DOCK10: variants seen among roughly 807,000 people sequenced by gnomAD.
DOCK10 encodes dedicator of cytokinesis protein 10.
A neutral mutation model predicts 280.1 loss-of-function variants in DOCK10; 145 were observed. The observed-to-expected ratio is 0.52, with a 90% CI of 0.45 to 0.59. The LOEUF is 0.59. DOCK10 is among the 20% of genes least tolerant of loss of function. The pLI is 0.00. For synonymous variants in DOCK10, 915 were observed against 942.2 expected, an observed-to-expected ratio of 0.97 and a Z score of 0.53; for missense variants, 2,368 against 2,651.7, an observed-to-expected ratio of 0.89 and a Z score of 2.35.
Position 224,886,126 on chromosome 2 carries a change from G to A in DOCK10, c.549C>T (p.Phe183=). The A allele has an allele frequency of 6.2e-6, 10 of 1,613,802 alleles. No homozygotes were observed. Among genetic ancestry groups the A allele is most frequent in the East Asian group, 2.2e-5 (1 of 44,860 alleles). ...GGGGAGGTGV[F]KSGWLYKGNF... ...TCCCCTTGTAGAGCCAGCCGGACTTGAAAACACCAGTTCCTCCCGCTCCTC... is the reference window on the plus strand; with the variant it reads ...TCCCCTTGTAGAGCCAGCCGGACTTAAAAACACCAGTTCCTCCCGCTCCTC... The change falls in exon 6 of 56, where the codon TTC becomes TTT. Residue 183 remains phenylalanine (F), a synonymous_variant. Transcript: ENST00000258390.
intron 22 of DOCK10, among the ~76,000 whole-genome samples, chr2:224,844,050 G>A (rs940822039): frequency 2.6e-5 from 4 of 152,318 alleles, no homozygotes; most frequent in Admixed American, 2.6e-4. Context: ...CAACCTCATG[G>A]CCTTCCAATT....
intron 28 of DOCK10, among the ~76,000 whole-genome samples, chr2:224,820,243 T>C (rs964735684): frequency 1.3e-5 from 2 of 152,254 alleles, no homozygotes; most frequent in African/African-American, 4.8e-5. Flanking sequence ...TTCTCTTTAC[T>C]GTATCAAGGA....
chr2:225,042,195 C>T lies in DOCK10; in HGVS notation c.123+57G>A, dbSNP rs1347899411. The T allele has an allele frequency of 4.9e-6, 6 of 1,224,952 alleles. No individual in the cohort carries two copies. Among genetic ancestry groups the T allele is most frequent in the Non-Finnish European group, 6.1e-6 (6 of 983,460 alleles). 75.9% of individuals were successfully genotyped at this position (1,224,952 alleles called of 1,614,324 possible). On this transcript the variant is annotated intron_variant, in intron 1 of 55. Transcript: ENST00000258390. This position sits in a 1 kb window ranked among gnomAD's most constrained non-coding sequence, Gnocchi z 5.1. ...CCGAGCTTTTGGGGAAGCTGGGCTC[C>T]GTTCCCCCCGGGCGCCTGGGGCGCG...
chr2:224,798,587 G>A (rs922915650), intron 41 of DOCK10, among the ~76,000 whole-genome samples: 1 of 151,018 alleles, frequency 6.6e-6, no homozygotes, highest in East Asian at 1.9e-4. Context: ...TAATTATGCT[G>A]TTCTGTGTAG....
intron 1 of DOCK10, among the ~76,000 whole-genome samples, chr2:225,021,193 A>T (rs1271867447): frequency 6.6e-6 from 1 of 152,260 alleles, no homozygotes; most frequent in Admixed American, 6.5e-5. Flanking sequence ...AGGACATTTC[A>T]GTAAATAATC....
chr2:224,787,086 G>T lies in DOCK10; in HGVS notation c.5591C>A (p.Ala1864Glu). 1.2e-6 allele frequency: 2 copies of T among 1,613,980 alleles called. No individual in the cohort carries two copies. The highest frequency in any genetic ancestry group is 1.7e-6 in the Non-Finnish European group (2 of 1,179,878). Reference protein sequence around the residue: ...YDIHRSYLKVAEVVNSEKRLF... With the variant: ...YDIHRSYLKVEEVVNSEKRLF... ...CCGCTTCTCCGAATTCACCACCTCTGCCACTTTCAGATATGACCGATGAAT... is the reference window on the plus strand; with the variant it reads ...CCGCTTCTCCGAATTCACCACCTCTTCCACTTTCAGATATGACCGATGAAT... Residue 1864 changes from alanine to glutamate, a missense_variant, in exon 50 of 56, where the codon GCA (alanine) becomes GAA (glutamate). This residue lies in a region of DOCK10 where 1,159 missense variants were observed against 1,400.8 expected (regional missense o/e 0.83). Transcript: ENST00000258390.
At chr2:224,907,580 C>T (rs984115866) in intron 3 of DOCK10, among the ~76,000 whole-genome samples, 2 of 151,456 alleles carry the variant, frequency 1.3e-5, no homozygotes, top group African/African-American at 4.9e-5. Context: ...CCCAGCTACT[C>T]AGGAGGCTGA....
chr2:224,993,698 C>T (rs1352227055), intron 1 of DOCK10, among the ~76,000 whole-genome samples: 2 of 152,112 alleles, frequency 1.3e-5, no homozygotes, highest in African/African-American at 4.8e-5. Flanking sequence ...GAAGGCATCC[C>T]CCTCCCTCCA....
chr2:224,939,102 G>C (rs1263079277), intron 1 of DOCK10, among the ~76,000 whole-genome samples: 1 of 152,172 alleles, frequency 6.6e-6, no homozygotes, highest in African/African-American at 2.4e-5. Flanking sequence ...GATCTCACAA[G>C]AAATCAATCA....
intron 47 of DOCK10, 116 bp downstream of exon 47, chr2:224,792,858 G>A (rs1203903343): frequency 1.3e-6 from 1 of 744,378 alleles, no homozygotes; most frequent in African/African-American, 1.8e-5. Context: ...AAGTTGGGTA[G>A]ATCTGAGACA....
chr2:224,921,112 A>T (rs12373642), intron 2 of DOCK10, among the ~76,000 whole-genome samples: 25,352 of 54,730 alleles, frequency 0.46, 7,118 homozygotes, highest in Middle Eastern at 0.51. Flanking sequence ...AAAAAAAAAA[A>T]ATATATATAT....
At chr2:224,794,198 C>T (rs185483928) in intron 45 of DOCK10, among the ~76,000 whole-genome samples, 1 of 152,200 alleles carries the variant, frequency 6.6e-6, no homozygotes, top group Non-Finnish European at 1.5e-5. Context: ...CTGATTACCA[C>T]ATGTGTTTAG....
intron 3 of DOCK10, among the ~76,000 whole-genome samples, chr2:224,908,449 GTGTA>G (rs892437177): frequency 4.8e-5 from 7 of 145,726 alleles, no homozygotes; most frequent in African/African-American, 1.8e-4. Context: ...GTGTGTGTGT[GTGTA>G]CATGTGTAGA....
At chr2:225,027,512 G>C (rs542323885) in intron 1 of DOCK10, among the ~76,000 whole-genome samples, 1 of 152,132 alleles carries the variant, frequency 6.6e-6, no homozygotes, top group African/African-American at 2.4e-5. Flanking sequence ...TGCATCATGG[G>C]ATCGGTTTCT....
chr2:224,834,501 G>A (rs1341458810), intron 25 of DOCK10, among the ~76,000 whole-genome samples: 1 of 152,184 alleles, frequency 6.6e-6, no homozygotes, highest in Non-Finnish European at 1.5e-5. Context: ...TCAAGAGAAA[G>A]AGCCAGAGAG....
intron 1 of DOCK10, among the ~76,000 whole-genome samples, chr2:224,939,529 ATG>A (rs924929356): frequency 2.6e-5 from 4 of 152,350 alleles, no homozygotes; most frequent in Non-Finnish European, 5.9e-5. Context: ...ACTAAATTAC[ATG>A]TCTCATTTAG....
chr2:224,971,551 T>G (rs1705083576), intron 1 of DOCK10, among the ~76,000 whole-genome samples: 1 of 152,074 alleles, frequency 6.6e-6, no homozygotes, highest in Non-Finnish European at 1.5e-5. Context: ...ACCTCATAGT[T>G]CAATGCAGCC....
chr2:224,921,895 T>C (rs999009054), intron 2 of DOCK10, among the ~76,000 whole-genome samples: 3 of 151,310 alleles, frequency 2.0e-5, no homozygotes, highest in South Asian at 2.1e-4. Context: ...AGGTTGGGAG[T>C]GTGAGACCAG....
At chr2:224,945,214 A>T (rs544699009) in intron 1 of DOCK10, among the ~76,000 whole-genome samples, 1 of 152,272 alleles carries the variant, frequency 6.6e-6, no homozygotes, top group Admixed American at 6.5e-5. Flanking sequence ...TGGGGACAAG[A>T]CTCAAGTTAA....
Sources: gnomAD v4.1 joint callset for allele counts (sites outside exome capture counted in the v4.1 genomes callset) on GRCh38, gnomAD v4.1.1 for gene constraint, gnomAD v4.1.1 regional missense constraint, Gnocchi (gnomAD v3.1) non-coding constraint, MANE v1.5 for transcripts, NCBI Gene and HGNC (gene_info 2026-07-23, HGNC 2026-07-21) for gene names.